The following ZNF423 variants were observed in gnomAD, a reference collection of about 807,000 sequenced individuals.
ZNF423 encodes Ebf-associated zinc finger protein.
Under a neutral mutation model 95.8 loss-of-function variants are expected in ZNF423, and 12 were observed. The ratio of observed to expected loss-of-function variants is 0.13; its 90% CI spans 0.08 to 0.20. The LOEUF is 0.20. ZNF423 is among the 10% of genes least tolerant of loss of function. The pLI, the probability that ZNF423 is intolerant of heterozygous loss-of-function variation, is 1.00. For synonymous variants in ZNF423, 749 were observed against 711.9 expected, an observed-to-expected ratio of 1.05 and a Z score of -0.83; for missense variants, 1,316 against 1,737.1, an observed-to-expected ratio of 0.76 and a Z score of 4.31.
At position 49,638,360 on chromosome 16, in the gene ZNF423, C is replaced by A; in HGVS notation, c.816G>T (p.Met272Ile). The A allele has an allele frequency of 6.2e-7, 1 of 1,614,064 alleles. No homozygotes were observed. Among genetic ancestry groups the A allele is most frequent in the Non-Finnish European group, 8.5e-7 (1 of 1,180,042 alleles). The part of the protein sequence containing the change: ...SEKEAKKDDF[M>I]CDYCEDTFSQ... ...TGAAGGTGTCCTCGCAGTAGTCGCA[C>A]ATGAAGTCGTCCTTCTTGGCTTCCT... Residue 272 changes from methionine (M) to isoleucine (I), a missense_variant, in exon 4 of 8, where the codon ATG becomes ATT. This residue lies in a region of ZNF423 where 399 missense variants were observed against 478.5 expected (regional missense o/e 0.83). Transcript: ENST00000563137. The surrounding 1 kb of genome is among the most constrained non-coding windows in gnomAD (Gnocchi z 5.6).
At chr16:49,745,051 A>G (rs989733821) in intron 2 of ZNF423, among the ~76,000 whole-genome samples, 5 of 152,068 alleles carry the variant, frequency 3.3e-5, no homozygotes, top group Non-Finnish European at 5.9e-5. Context: ...ACTTTTAATC[A>G]GTTTTCAGTT....
chr16:49,494,728 G>A (rs535867339), intron 7 of ZNF423, among the ~76,000 whole-genome samples: 1 of 152,302 alleles, frequency 6.6e-6, no homozygotes, highest in Admixed American at 6.5e-5. Context: ...CTGTCCCCAA[G>A]ACTTACCAGT....
chr16:49,686,481 T>C (rs944783400), intron 3 of ZNF423, among the ~76,000 whole-genome samples: 27 of 152,130 alleles, frequency 1.8e-4, no homozygotes, highest in Admixed American at 6.5e-5. Context: ...TGGAGCTCAC[T>C]GCCAGGAAGC....
intron 2 of ZNF423, among the ~76,000 whole-genome samples, chr16:49,734,317 T>C (rs915721673): frequency 6.6e-6 from 1 of 152,134 alleles, no homozygotes; most frequent in Admixed American, 6.5e-5. Flanking sequence ...ACATCACCTG[T>C]GCAAACTCAG....
rs2035346241 is a variant in ZNF423 at position 49,855,120 on chromosome 16, G to A, written c.40+615C>T. 1 of 888,148 alleles carries A rather than the reference G, an allele frequency of 1.1e-6. No homozygotes were observed. The highest frequency in any genetic ancestry group is 1.3e-6 in the Non-Finnish European group (1 of 741,924). The allele number at this position is 888,148 out of a possible 1,614,324, so 55.0% of individuals were successfully genotyped here. A position where few individuals can be genotyped will look rare whatever the true frequency, so the allele number is the denominator to read the frequency against. On this transcript the variant is annotated intron_variant, in intron 1 of 7. Transcript: ENST00000563137. The surrounding 1 kb of genome is among the most constrained non-coding windows in gnomAD (Gnocchi z 4.7). ...CAGGAAGTGCAGGGGCCCGGGCCGG[G>A]AGAAGGCCTGGGCAGGGGCGGGAGG...
At chr16:49,777,187 G>A (rs576255739) in intron 2 of ZNF423, among the ~76,000 whole-genome samples, 3 of 152,290 alleles carry the variant, frequency 2.0e-5, no homozygotes, top group South Asian at 4.2e-4. Context: ...TAGTATGGAG[G>A]AACATGTATG....
chr16:49,671,942 C>G (rs2030831658), intron 3 of ZNF423, among the ~76,000 whole-genome samples: 1 of 152,178 alleles, frequency 6.6e-6, no homozygotes, highest in African/African-American at 2.4e-5. Flanking sequence ...GCCTCAGCCT[C>G]CCAAAGTGCT....
chr16:49,539,383 C>T (rs553305673), intron 5 of ZNF423, among the ~76,000 whole-genome samples: 1 of 152,318 alleles, frequency 6.6e-6, no homozygotes, highest in Admixed American at 6.5e-5. Context: ...CATACCCCCT[C>T]ATTTGCTCAT....
intron 7 of ZNF423, among the ~76,000 whole-genome samples, chr16:49,514,113 C>A (rs1968021833): frequency 6.6e-6 from 1 of 151,636 alleles, no homozygotes; most frequent in Non-Finnish European, 1.5e-5. Flanking sequence ...CTGGAGGATC[C>A]CCCAGCTCTT....
At chr16:49,640,544 G>C (rs938092410) in intron 3 of ZNF423, among the ~76,000 whole-genome samples, 2 of 152,114 alleles carry the variant, frequency 1.3e-5, no homozygotes, top group Non-Finnish European at 1.5e-5. Context: ...GGGTCTTGAG[G>C]GGTCCCTCAC....
At chr16:49,609,637 A>C (rs1354975713) in intron 5 of ZNF423, among the ~76,000 whole-genome samples, 1 of 152,182 alleles carries the variant, frequency 6.6e-6, no homozygotes, top group Non-Finnish European at 1.5e-5. Context: ...GAAGAGAAAA[A>C]AAGAATCAGT....
At position 49,636,414 on chromosome 16, in the gene ZNF423, G is replaced by A. The variant is rs200585917; in HGVS notation, c.2762C>T (p.Pro921Leu). The A allele has an allele frequency of 1.5e-4, 250 of 1,613,276 alleles. No homozygotes were observed. The highest frequency in any genetic ancestry group is 4.9e-4 in the Middle Eastern group (3 of 6,062). Reference sequence around the variant, plus strand: ...CTTGCGTGAGCCATCATCCTCGCCCGGCCGGATATTGTGGTCCCGCAGCCG... The same window carrying A: ...CTTGCGTGAGCCATCATCCTCGCCCAGCCGGATATTGTGGTCCCGCAGCCG... ...NHRLRDHNIR[P>L]GEDDGSRKKA... Residue 921 changes from proline (P) to leucine (L), a missense_variant, in exon 4 of 8, where the codon CCG (proline) becomes CTG (leucine). Pro to Leu is a moderately conservative substitution (Grantham distance 98). Coordinates refer to ENST00000563137, the MANE Select transcript of ZNF423 (RefSeq NM_001379286.1). This position sits in a 1 kb window ranked among gnomAD's most constrained non-coding sequence, Gnocchi z 8.6.
intron 2 of ZNF423, among the ~76,000 whole-genome samples, chr16:49,737,285 T>TC (rs150827456): frequency 0.09 from 13,621 of 151,304 alleles, 680 homozygotes; most frequent in Middle Eastern, 0.14. Flanking sequence ...TTTTTTTTTT[T>TC]CCAAGACAGA....
intron 2 of ZNF423, among the ~76,000 whole-genome samples, chr16:49,777,641 C>A (rs2034142955): frequency 6.6e-6 from 1 of 152,212 alleles, no homozygotes; most frequent in Non-Finnish European, 1.5e-5. Context: ...TGCAGTAAGT[C>A]TCCACTGAGT....
intron 1 of ZNF423, among the ~76,000 whole-genome samples, chr16:49,790,976 C>G (rs1050659120): frequency 1.3e-5 from 2 of 152,132 alleles, no homozygotes; most frequent in Non-Finnish European, 2.9e-5. Context: ...CTCAAACAGT[C>G]CTGCTCTACG....
chr16:49,637,500 G>A lies in ZNF423; in HGVS notation c.1676C>T (p.Pro559Leu), dbSNP rs764775118. Residue 559 changes from proline to leucine, a missense_variant, in exon 4 of 8, where the codon CCG becomes CTG. Coordinates refer to ENST00000563137, the MANE Select transcript of ZNF423 (RefSeq NM_001379286.1). This position sits in a 1 kb window ranked among gnomAD's most constrained non-coding sequence, Gnocchi z 5.6. ...CSVGSAKLES[P>L]VVQPTQSFME... ...GAAGGACTGCGTGGGCTGCACCACC[G>A]GAGACTCTAGTTTGGCACTGCCCAC... 35 of 1,613,960 alleles carry A rather than the reference G, an allele frequency of 2.2e-5. No individual in the cohort carries two copies. Among genetic ancestry groups the A allele is most frequent in the African/African-American group, 8.0e-5 (6 of 74,888 alleles).
At chr16:49,628,249 A>T (rs557927131) in intron 4 of ZNF423, among the ~76,000 whole-genome samples, 32 of 133,404 alleles carry the variant, frequency 2.4e-4, no homozygotes, top group Non-Finnish European at 4.2e-4. Flanking sequence ...ATCCACCCAT[A>T]CTCCATCTAC....
At chr16:49,793,930 C>T (rs1204330565) in intron 1 of ZNF423, among the ~76,000 whole-genome samples, 3 of 152,198 alleles carry the variant, frequency 2.0e-5, no homozygotes, top group Non-Finnish European at 4.4e-5. Context: ...GGGGTCCCAG[C>T]AGTGGGGTTC....
intron 3 of ZNF423, among the ~76,000 whole-genome samples, chr16:49,669,033 T>G (rs1021660050): frequency 2.0e-5 from 3 of 151,884 alleles, no homozygotes; most frequent in Non-Finnish European, 4.4e-5. Flanking sequence ...TGCAGCATGG[T>G]CTTAAATCCA....
Sources: allele counts gnomAD v4.1 joint callset (sites outside exome capture counted in the v4.1 genomes callset), GRCh38; gene constraint gnomAD v4.1.1; regional missense constraint gnomAD v4.1.1; non-coding constraint Gnocchi (gnomAD v3.1); transcripts MANE v1.5; gene names NCBI Gene and HGNC (gene_info 2026-07-23, HGNC 2026-07-21).